The following MBNL3 variants were observed in gnomAD, a reference collection of about 807,000 sequenced individuals.
MBNL3 encodes muscleblind like splicing regulator 3, also known as muscleblind-like protein 3.
Under a neutral mutation model 24.5 loss-of-function variants are expected in MBNL3, and 6 were observed. That is an observed-to-expected ratio of 0.25 (90% CI 0.13 to 0.48). MBNL3 has a LOEUF of 0.48. MBNL3 is among the 20% of genes least tolerant of loss of function. The pLI, the probability that MBNL3 is intolerant of heterozygous loss-of-function variation, is 0.99. For missense variants in MBNL3, 230 were observed against 293.5 expected (o/e 0.78, Z 1.58); for synonymous variants, 100 against 101.7 (o/e 0.98, Z 0.10).
intron 5 of MBNL3, among the ~76,000 whole-genome samples, chrX:132,389,314 T>C (rs755131879): frequency 3.6e-5 from 4 of 111,869 alleles, no homozygotes; most frequent in Non-Finnish European, 5.6e-5. Flanking sequence ...CCAAAAATGG[T>C]ACTGTGTCCT....
intron 3 of MBNL3, among the ~76,000 whole-genome samples, chrX:132,396,406 A>C (rs759862127): frequency 4.9e-4 from 40 of 81,109 alleles, no homozygotes; most frequent in East Asian, 3.7e-3. Flanking sequence ...ATATATATTC[A>C]TATATATTCC....
intron 1 of MBNL3, among the ~76,000 whole-genome samples, chrX:132,462,667 AC>A (rs1158511317): frequency 9.1e-6 from 1 of 109,589 alleles, no homozygotes; most frequent in Non-Finnish European, 1.9e-5. Flanking sequence ...GGGTGAGTAC[AC>A]CTGCACTATG....
rs377120054 is a variant in MBNL3, at chrX:132,391,057, A to G, written c.561T>C (p.Asn187=). 34 of 1,208,906 alleles carry G rather than the reference A, an allele frequency of 2.8e-5. No individual in the cohort carries two copies. In the Admixed American group the frequency reaches 3.1e-4, roughly 11 times the overall value. ...LEVCREFQRG[N]CTRGENDCRY... is the part of the protein sequence containing the mutation. ...GGCAATCATTCTCCCCACGGGTACA[A>G]TTTCCACGCTGAAATTCTCGGCAAA... Residue 187 remains asparagine (N), a synonymous_variant, in exon 5 of 9, where the codon AAT becomes AAC. Transcript: ENST00000370853.
At chrX:132,468,732 A>T (rs1292079875) in intron 1 of MBNL3, among the ~76,000 whole-genome samples, 1 of 112,081 alleles carries the variant, frequency 8.9e-6, no homozygotes, top group Non-Finnish European at 1.9e-5. Flanking sequence ...AGCTAGGATC[A>T]AATTCAGGCA....
intron 2 of MBNL3, among the ~76,000 whole-genome samples, chrX:132,421,450 T>G (rs2148369024): frequency 8.9e-6 from 1 of 111,812 alleles, no homozygotes; most frequent in Admixed American, 9.5e-5. Context: ...TTATTAGAAC[T>G]GGATATTATT....
intron 3 of MBNL3, among the ~76,000 whole-genome samples, chrX:132,398,231 A>G (rs7889232): frequency 0.014 from 1,536 of 111,190 alleles, 29 homozygotes; most frequent in African/African-American, 0.047. Context: ...GTTCAGAGCT[A>G]CCCATATTTG....
chrX:132,434,957 G>A (rs1945034516), intron 2 of MBNL3, among the ~76,000 whole-genome samples: 2 of 111,852 alleles, frequency 1.8e-5, no homozygotes, highest in Admixed American at 1.9e-4. Flanking sequence ...CATGTAAGTT[G>A]TTGACATTAG....
chrX:132,381,459 T>G, intron 8 of MBNL3: 1 of 946,304 alleles, frequency 1.1e-6, no homozygotes, highest in South Asian at 2.3e-5. Flanking sequence ...GATTTTAGAT[T>G]AAAATAGTTT....
chrX:132,446,684 T>A (rs962854270), intron 1 of MBNL3, among the ~76,000 whole-genome samples: 2 of 112,032 alleles, frequency 1.8e-5, no homozygotes, highest in African/African-American at 6.5e-5. Flanking sequence ...TTGCAAAAAT[T>A]TTCTCCCATT....
At chrX:132,426,423 T>C (rs1313299459) in intron 2 of MBNL3, among the ~76,000 whole-genome samples, 5 of 111,460 alleles carry the variant, frequency 4.5e-5, no homozygotes, top group Non-Finnish European at 7.5e-5. Context: ...CCTTAATATT[T>C]CATACCTTCA....
intron 3 of MBNL3, among the ~76,000 whole-genome samples, chrX:132,392,541 T>C (rs1380436785): frequency 2.7e-5 from 3 of 112,437 alleles, no homozygotes; most frequent in Non-Finnish European, 5.6e-5. Context: ...CTAACTTTAT[T>C]GGTAAGCTCA....
intron 1 of MBNL3, among the ~76,000 whole-genome samples, chrX:132,455,849 G>A (rs1210460461): frequency 1.8e-5 from 2 of 112,015 alleles, no homozygotes; most frequent in African/African-American, 6.5e-5. Flanking sequence ...GAGTTATAAA[G>A]ATTCATTGAC....
chrX:132,456,982 G>A (rs994828300), intron 1 of MBNL3, among the ~76,000 whole-genome samples: 3 of 111,517 alleles, frequency 2.7e-5, no homozygotes, highest in Non-Finnish European at 3.8e-5. Context: ...CCTTGGGCAC[G>A]GTAGGTCCTT....
At chrX:132,488,184 A>T (rs1948106273) in intron 1 of MBNL3, among the ~76,000 whole-genome samples, 1 of 110,887 alleles carries the variant, frequency 9.0e-6, no homozygotes, top group South Asian at 3.8e-4. Context: ...CAATTAATTT[A>T]TCTGTTTTAT....
chrX:132,398,475 T>A (rs1302917684), intron 3 of MBNL3, among the ~76,000 whole-genome samples: 1 of 111,735 alleles, frequency 8.9e-6, no homozygotes, highest in South Asian at 3.7e-4. Flanking sequence ...GATTATTTTT[T>A]AAAAAATCAA....
At chrX:132,391,924 A>G (rs949317322) in intron 4 of MBNL3, among the ~76,000 whole-genome samples, 6 of 111,975 alleles carry the variant, frequency 5.4e-5, no homozygotes, top group Admixed American at 9.5e-5. Context: ...CGCACAGTCT[A>G]TGGCTGGGTA....
intron 3 of MBNL3, among the ~76,000 whole-genome samples, chrX:132,398,635 C>T (rs1940273951): frequency 9.0e-6 from 1 of 110,922 alleles, no homozygotes; most frequent in African/African-American, 3.3e-5. Context: ...CTAGTTTTAA[C>T]AAAGGGTATA....
chrX:132,386,299 G>A (rs1936015022), intron 6 of MBNL3, among the ~76,000 whole-genome samples: 1 of 111,090 alleles, frequency 9.0e-6, no homozygotes, highest in Non-Finnish European at 1.9e-5. Flanking sequence ...CCATAATATC[G>A]AAGCTGGGAG....
At chrX:132,442,400 A>AT (rs1176263962) in intron 1 of MBNL3, among the ~76,000 whole-genome samples, 1 of 112,054 alleles carries the variant, frequency 8.9e-6, no homozygotes, top group African/African-American at 3.2e-5. Context: ...CAGTAGTGTT[A>AT]CTAAGTTGAA....
Sources: allele counts gnomAD v4.1 joint callset (sites outside exome capture counted in the v4.1 genomes callset), GRCh38; gene constraint gnomAD v4.1.1; transcripts MANE v1.5; gene names NCBI Gene and HGNC (gene_info 2026-07-23, HGNC 2026-07-21).